RHBDD1: variants seen among roughly 807,000 people sequenced by gnomAD.
RHBDD1 encodes the protein rhomboid-related protein 4.
Under a neutral mutation model 36.3 loss-of-function variants are expected in RHBDD1, and 38 were observed. The ratio of observed to expected loss-of-function variants is 1.05; its 90% confidence interval spans 0.81 to 1.37. The LOEUF is 1.37. Ranked by LOEUF, RHBDD1 falls within the 40% of genes most tolerant of loss-of-function variation. The pLI is 0.00. For missense variants in RHBDD1, 393 were observed against 377.6 expected, an observed-to-expected ratio of 1.04 and a Z score of -0.34; for synonymous variants, 151 against 136.5, an observed-to-expected ratio of 1.11 and a Z score of -0.74.
chr2:226,842,491 G>C (rs1184596625), intron 3 of RHBDD1, among the ~76,000 whole-genome samples: 3 of 152,086 alleles, frequency 2.0e-5, no homozygotes. Context: ...TCTAGTTTCA[G>C]TTTTCTGCAT....
At chr2:226,918,919 A>T (rs1949108625) in intron 8 of RHBDD1, among the ~76,000 whole-genome samples, 1 of 152,088 alleles carries the variant, frequency 6.6e-6, no homozygotes, top group African/African-American at 2.4e-5. Context: ...GTACTAATTT[A>T]CATTCACACC....
intron 8 of RHBDD1, among the ~76,000 whole-genome samples, chr2:226,989,512 G>A (rs1270079279): frequency 6.6e-6 from 1 of 152,178 alleles, no homozygotes; most frequent in Non-Finnish European, 1.5e-5. Flanking sequence ...AATGAATCAA[G>A]TTATACACTT....
At chr2:226,929,252 C>G (rs1949860275) in intron 8 of RHBDD1, among the ~76,000 whole-genome samples, 1 of 152,006 alleles carries the variant, frequency 6.6e-6, no homozygotes, top group African/African-American at 2.4e-5. Flanking sequence ...AAACTCTCAA[C>G]AAAATGCTAG....
intron 3 of RHBDD1, among the ~76,000 whole-genome samples, chr2:226,862,735 A>G (rs1416600467): frequency 6.6e-6 from 1 of 152,196 alleles, no homozygotes; most frequent in Non-Finnish European, 1.5e-5. Flanking sequence ...GTAATTTATA[A>G]AGAAAAGAGG....
At chr2:226,988,242 A>G in intron 8 of RHBDD1, 1 of 1,194,164 alleles carries the variant, frequency 8.4e-7, no homozygotes, top group Non-Finnish European at 1.2e-6. Flanking sequence ...AGAGGTTGGG[A>G]GTAGGACTCA....
chr2:226,842,483 TAGTTTC>T (rs1485258068), intron 3 of RHBDD1, among the ~76,000 whole-genome samples: 4 of 151,992 alleles, frequency 2.6e-5, no homozygotes, highest in Non-Finnish European at 4.4e-5. Context: ...ATAAGGGGTC[TAGTTTC>T]AGTTTTCTGC....
the RHBDD1 span, among the ~76,000 whole-genome samples, chr2:226,824,100 CTATA>C: frequency 2.6e-5 from 4 of 151,686 alleles, no homozygotes; most frequent in Admixed American, 6.6e-5. Context: ...TTTTCTCTCT[CTATA>C]TATATATCCA....
chr2:226,802,402 A>C, the RHBDD1 span, among the ~76,000 whole-genome samples: 1 of 152,156 alleles, frequency 6.6e-6, no homozygotes, highest in Non-Finnish European at 1.5e-5. Context: ...AAAGGTGGTT[A>C]ATATTTGTTA....
intron 5 of RHBDD1, among the ~76,000 whole-genome samples, chr2:226,885,688 T>C (rs1946143088): frequency 6.6e-6 from 1 of 152,196 alleles, no homozygotes; most frequent in Admixed American, 6.5e-5. Flanking sequence ...TATTTATGGC[T>C]TTTTCTTCAA....
At chr2:226,920,314 G>C (rs952651594) in intron 8 of RHBDD1, among the ~76,000 whole-genome samples, 1 of 151,852 alleles carries the variant, frequency 6.6e-6, no homozygotes, top group African/African-American at 2.4e-5. Flanking sequence ...CCAAATATAA[G>C]ATCCATACCA....
upstream of RHBDD1, among the ~76,000 whole-genome samples, chr2:226,832,206 C>A (rs181310274): frequency 5.9e-5 from 9 of 152,220 alleles, no homozygotes; most frequent in Admixed American, 5.9e-4. Context: ...CACTTTCATT[C>A]ATTTCAAAAT....
chr2:226,885,172 TA>T, intron 5 of RHBDD1, among the ~76,000 whole-genome samples: 1 of 152,140 alleles, frequency 6.6e-6, no homozygotes. Flanking sequence ...TAAATTATTC[TA>T]AAATTGTTAC....
intron 8 of RHBDD1, among the ~76,000 whole-genome samples, chr2:226,968,485 T>TA (rs1307047441): frequency 6.6e-6 from 1 of 152,178 alleles, no homozygotes; most frequent in Non-Finnish European, 1.5e-5. Context: ...CCACATTATC[T>TA]AAAATAATCT....
rs530959518 is a variant in RHBDD1 at position 226,895,580 on chromosome 2, C to T, written c.567-11213C>T. 13 of 682,728 alleles carry T rather than the reference C, an allele frequency of 1.9e-5. No individual in the cohort carries two copies. In the East Asian group the frequency reaches 5.4e-4, roughly 28 times the overall value. 42.3% of individuals were successfully genotyped at this position (682,728 alleles called of 1,614,324 possible). ...AACCTCTGTGCCCAATTAAGGGAGTCGGGGGAGATTCTTGTCCAGTTATTT... is the reference window on the plus strand; with the variant it reads ...AACCTCTGTGCCCAATTAAGGGAGTTGGGGGAGATTCTTGTCCAGTTATTT... On this transcript the variant is annotated intron_variant, in intron 5 of 8. Coordinates refer to ENST00000392062, the MANE Select transcript of RHBDD1 (RefSeq NM_001167608.3).
chr2:226,921,679 C>T (rs1353005692), intron 8 of RHBDD1, among the ~76,000 whole-genome samples: 2 of 151,980 alleles, frequency 1.3e-5, no homozygotes, highest in African/African-American at 4.8e-5. Flanking sequence ...AATCTTATTC[C>T]ATTGTGGTCA....
the RHBDD1 span, among the ~76,000 whole-genome samples, chr2:226,826,758 G>A: frequency 6.6e-6 from 1 of 151,826 alleles, no homozygotes; most frequent in African/African-American, 2.4e-5. Flanking sequence ...CTGACCTCAT[G>A]ATCTGCCTGC....
intron 5 of RHBDD1, among the ~76,000 whole-genome samples, chr2:226,893,086 A>G (rs1946820821): frequency 6.6e-6 from 1 of 152,204 alleles, no homozygotes; most frequent in African/African-American, 2.4e-5. Context: ...ATTTCCTGCC[A>G]TCTTTTCTTC....
intron 8 of RHBDD1, among the ~76,000 whole-genome samples, chr2:226,922,723 G>A (rs2125782748): frequency 6.6e-6 from 1 of 152,000 alleles, no homozygotes; most frequent in South Asian, 2.1e-4. Context: ...TCCTTTTAGT[G>A]AGTGATGTTC....
rs142612401 is a variant in RHBDD1 at position 226,877,042 on chromosome 2, T to C, written c.566+9724T>C. 7.1e-3 allele frequency among the ~76,000 whole-genome samples: 1,086 copies of C among 152,290 alleles called. 30 individuals carry two copies. Among genetic ancestry groups the C allele is most frequent in the Admixed American group, 0.057 (868 of 15,298 alleles). On this transcript the variant is annotated intron_variant, in intron 5 of 8. Coordinates refer to ENST00000392062, the MANE Select transcript of RHBDD1 (RefSeq NM_001167608.3). ...GAAGGTCAGTTTGGCCTCATACAGG[T>C]ATGTACTTGGGAAGGGTAAGAGGGA...
Sources: gnomAD v4.1 joint callset for allele counts (sites outside exome capture counted in the v4.1 genomes callset) on GRCh38, gnomAD v4.1.1 for gene constraint, MANE v1.5 for transcripts, NCBI Gene and HGNC (gene_info 2026-07-23, HGNC 2026-07-21) for gene names.